ZNF503: variants seen among roughly 807,000 people sequenced by gnomAD.
The protein encoded by ZNF503 is NocA-like zinc finger 2.
ZNF503 carries 15 observed loss-of-function variants against 34.4 expected under a neutral mutation model. That is an observed-to-expected ratio of 0.44 (90% CI 0.29 to 0.67). The LOEUF (loss-of-function observed/expected upper bound fraction) is 0.67. ZNF503 is among the 30% of genes least tolerant of loss of function. ZNF503 has a pLI of 0.13. For missense variants in ZNF503, 1,007 were observed against 926.8 expected (o/e 1.09, Z -1.12); for synonymous variants, 580 against 456.8 (o/e 1.27, Z -3.44).
At chr10:75,281,833 C>T in the ZNF503 span, among the ~76,000 whole-genome samples, 2 of 152,220 alleles carry the variant, frequency 1.3e-5, no homozygotes, top group African/African-American at 2.4e-5. Flanking sequence ...AATTCTCCCC[C>T]TCCCCCTTAG....
the ZNF503 span, among the ~76,000 whole-genome samples, chr10:75,341,015 A>C: frequency 2.6e-5 from 4 of 152,112 alleles, no homozygotes; most frequent in Non-Finnish European, 5.9e-5. Context: ...AAATTCCTCT[A>C]TTTCAGTCAT....
chr10:75,288,606 A>C, the ZNF503 span: 1 of 152,806 alleles, frequency 6.5e-6, no homozygotes, highest in Non-Finnish European at 1.5e-5. Context: ...ATTTGCCACC[A>C]CCTGGACCCA....
chr10:75,318,268 G>A, the ZNF503 span, among the ~76,000 whole-genome samples: 2 of 152,122 alleles, frequency 1.3e-5, no homozygotes, highest in South Asian at 4.1e-4. Context: ...CCAAAAAGGA[G>A]TAGCATAATA....
the ZNF503 span, among the ~76,000 whole-genome samples, chr10:75,342,698 C>T: frequency 6.6e-6 from 1 of 152,138 alleles, no homozygotes; most frequent in Non-Finnish European, 1.5e-5. Flanking sequence ...GTGTGGTTTG[C>T]TCCTGGCTTT....
the ZNF503 span, among the ~76,000 whole-genome samples, chr10:75,371,394 G>C: frequency 6.6e-6 from 1 of 152,214 alleles, no homozygotes; most frequent in Non-Finnish European, 1.5e-5. Context: ...GGTTTGGCAA[G>C]AGTGGGTTGG....
At chr10:75,367,756 T>G in the ZNF503 span, among the ~76,000 whole-genome samples, 1 of 152,224 alleles carries the variant, frequency 6.6e-6, no homozygotes, top group Non-Finnish European at 1.5e-5. Flanking sequence ...TTGTTCAAAC[T>G]GGGTCACCTA....
At chr10:75,353,393 T>C in the ZNF503 span, among the ~76,000 whole-genome samples, 2 of 152,198 alleles carry the variant, frequency 1.3e-5, no homozygotes, top group African/African-American at 2.4e-5. Flanking sequence ...CCTTTGACCC[T>C]GGCAGACAGC....
chr10:75,381,419 A>C, the ZNF503 span, among the ~76,000 whole-genome samples: 3 of 151,872 alleles, frequency 2.0e-5, no homozygotes, highest in Non-Finnish European at 2.9e-5. Flanking sequence ...TAGAGATGAG[A>C]TCTCACTATG....
chr10:75,353,507 C>T, the ZNF503 span, among the ~76,000 whole-genome samples: 4 of 152,180 alleles, frequency 2.6e-5, no homozygotes, highest in Non-Finnish European at 4.4e-5. Context: ...AGGCAGAGCT[C>T]AGGGCGGGTG....
chr10:75,338,721 G>T, the ZNF503 span, among the ~76,000 whole-genome samples: 5 of 152,160 alleles, frequency 3.3e-5, no homozygotes, highest in African/African-American at 1.2e-4. Flanking sequence ...GATACAGAAA[G>T]TAAAGGAAAT....
At chr10:75,339,012 G>A in the ZNF503 span, among the ~76,000 whole-genome samples, 1 of 152,110 alleles carries the variant, frequency 6.6e-6, no homozygotes, top group South Asian at 2.1e-4. Context: ...TGGATTGCTT[G>A]AGCTCAGGAG....
At chr10:75,400,661 G>T (rs1843786701) in intron 1 of ZNF503, among the ~76,000 whole-genome samples, 2 of 152,098 alleles carry the variant, frequency 1.3e-5, no homozygotes, top group South Asian at 4.1e-4. Flanking sequence ...AAATGTTTTG[G>T]TTTTCGGTTC....
At chr10:75,318,795 A>G in the ZNF503 span, among the ~76,000 whole-genome samples, 2 of 152,224 alleles carry the variant, frequency 1.3e-5, no homozygotes, top group African/African-American at 2.4e-5. Context: ...TTGGGAAGGA[A>G]GAAATAACAC....
chr10:75,356,353 A>G, the ZNF503 span, among the ~76,000 whole-genome samples: 1 of 152,120 alleles, frequency 6.6e-6, no homozygotes, highest in Non-Finnish European at 1.5e-5. Context: ...AGTAGCTGGG[A>G]CTACACGCAC....
At chr10:75,304,550 C>T in the ZNF503 span, among the ~76,000 whole-genome samples, 1 of 152,172 alleles carries the variant, frequency 6.6e-6, no homozygotes, top group Non-Finnish European at 1.5e-5. Flanking sequence ...ACCAGTTGGG[C>T]TGGATGCTAC....
At chr10:75,381,934 G>A in the ZNF503 span, among the ~76,000 whole-genome samples, 5 of 146,676 alleles carry the variant, frequency 3.4e-5, no homozygotes, top group Admixed American at 7.0e-5. Flanking sequence ...AGCCTCCCGA[G>A]TAGCTGAGAC....
the ZNF503 span, among the ~76,000 whole-genome samples, chr10:75,388,618 AG>A: frequency 6.6e-6 from 1 of 152,256 alleles, no homozygotes; most frequent in East Asian, 1.9e-4. Flanking sequence ...GTTTTGGGCA[AG>A]TCACTTTGCC....
In ZNF503 at chr10:75,399,106, G is replaced by A. The variant is rs1411249869; in HGVS notation, c.1584C>T (p.Arg528=). 6 of 1,613,752 alleles carry A rather than the reference G, an allele frequency of 3.7e-6. No individual in the cohort carries two copies. Among genetic ancestry groups the A allele is most frequent in the Admixed American group, 1.7e-5 (1 of 60,024 alleles). ...WVSANGPCDK[R]FATSEELLSH... is the part of the protein sequence containing the mutation. ...TCAGCAGCTCTTCGGACGTGGCGAA[G>A]CGCTTGTCGCACGGCCCGTTGGCCG... The change falls in exon 2 of 2, where the codon CGC becomes CGT. Residue 528 remains arginine, a synonymous_variant. Transcript: ENST00000372524.
At chr10:75,290,142 A>C in the ZNF503 span, among the ~76,000 whole-genome samples, 3 of 152,202 alleles carry the variant, frequency 2.0e-5, no homozygotes, top group African/African-American at 7.2e-5. Flanking sequence ...TAGTATTTTC[A>C]ACATGATGTA....
Sources: allele counts gnomAD v4.1 joint callset (sites outside exome capture counted in the v4.1 genomes callset), GRCh38; gene constraint gnomAD v4.1.1; transcripts MANE v1.5; gene names NCBI Gene and HGNC (gene_info 2026-07-23, HGNC 2026-07-21).